The following CCDC7 variants were observed in gnomAD, a reference collection of about 807,000 sequenced individuals.
CCDC7 encodes coiled-coil domain-containing protein 7.
Under a neutral mutation model 196.9 loss-of-function variants are expected in CCDC7, and 183 were observed. The ratio of observed to expected loss-of-function variants is 0.93; its 90% CI spans 0.82 to 1.05. The LOEUF (loss-of-function observed/expected upper bound fraction) is 1.05, where lower values mean the gene tolerates loss of function less well. CCDC7 is among the 50% of genes least tolerant of loss of function. The pLI is 0.00. For synonymous variants in CCDC7, 525 were observed against 484.6 expected (o/e 1.08, Z -1.10); for missense variants, 1,540 against 1,482.2 (o/e 1.04, Z -0.64).
chr10:32,623,449 A>G (rs1002623548), intron 18 of CCDC7, among the ~76,000 whole-genome samples: 2 of 152,060 alleles, frequency 1.3e-5, no homozygotes, highest in East Asian at 1.9e-4. Flanking sequence ...TTTCATTTTT[A>G]TGTATTTCTA....
chr10:32,482,507 T>C (rs2134165385), intron 8 of CCDC7, among the ~76,000 whole-genome samples: 1 of 152,298 alleles, frequency 6.6e-6, no homozygotes, highest in African/African-American at 2.4e-5. Flanking sequence ...AATTTCTTTT[T>C]TTTATTATAC....
chr10:32,668,738 A>G (rs2073390307), intron 21 of CCDC7, among the ~76,000 whole-genome samples: 2 of 152,252 alleles, frequency 1.3e-5, no homozygotes, highest in South Asian at 4.1e-4. Context: ...ATCATGGTGG[A>G]TAAGCTTCCT....
At chr10:32,502,391 A>G (rs2044210078) in intron 9 of CCDC7, among the ~76,000 whole-genome samples, 1 of 152,008 alleles carries the variant, frequency 6.6e-6, no homozygotes, top group African/African-American at 2.4e-5. Flanking sequence ...GGCTGCATCC[A>G]CTGTCCAACC....
chr10:32,620,725 T>A (rs1177113647), intron 18 of CCDC7, among the ~76,000 whole-genome samples: 5 of 152,280 alleles, frequency 3.3e-5, no homozygotes. Flanking sequence ...AGTGTCTGAT[T>A]AAGGTTTAGA....
chr10:32,584,236 A>C, exon 18 of CCDC7: 2 of 1,576,760 alleles, frequency 1.3e-6, no homozygotes, highest in Non-Finnish European at 8.6e-7. Flanking sequence ...ATTAAGGCTG[A>C]TGTTTCAGAA....
chr10:32,574,613 T>TCAAACAATAAAGGTAAATAA, intron 16 of CCDC7: 1 of 584,234 alleles, frequency 1.7e-6, no homozygotes, highest in Non-Finnish European at 2.4e-6. Flanking sequence ...GGTAAATAGT[T>TCAAACAATAAAGGTAAATAA]AATCAAACAA....
intron 41 of CCDC7, among the ~76,000 whole-genome samples, chr10:32,867,204 A>C (rs1360557742): frequency 6.6e-6 from 1 of 151,672 alleles, no homozygotes; most frequent in African/African-American, 2.4e-5. Context: ...TGGGTTATGA[A>C]TTAGATGGTA....
At chr10:32,839,008 C>G (rs1318767762) in intron 33 of CCDC7, among the ~76,000 whole-genome samples, 1 of 151,860 alleles carries the variant, frequency 6.6e-6, no homozygotes, top group Non-Finnish European at 1.5e-5. Flanking sequence ...AACAAACCCT[C>G]AAAATACACC....
At chr10:32,656,794 C>T (rs934876618) in intron 20 of CCDC7, among the ~76,000 whole-genome samples, 1 of 152,188 alleles carries the variant, frequency 6.6e-6, no homozygotes, top group African/African-American at 2.4e-5. Flanking sequence ...AAAGTCTTAA[C>T]TTATTCCAGC....
intron 13 of CCDC7, among the ~76,000 whole-genome samples, chr10:32,563,144 A>G (rs2056077109): frequency 6.6e-6 from 1 of 152,084 alleles, no homozygotes; most frequent in Non-Finnish European, 1.5e-5. Flanking sequence ...TCAATGAAAT[A>G]AAAGAGGATA....
chr10:32,455,238 A>G (rs12264404), intron 2 of CCDC7, among the ~76,000 whole-genome samples: 2,975 of 151,916 alleles, frequency 0.02, 104 homozygotes, highest in African/African-American at 0.068. Flanking sequence ...CTATATGATT[A>G]TAGGTCTTTA....
intron 24 of CCDC7, among the ~76,000 whole-genome samples, chr10:32,708,628 AAATC>A (rs1447224611): frequency 6.6e-6 from 1 of 152,192 alleles, no homozygotes; most frequent in Non-Finnish European, 1.5e-5. Context: ...TTACAAGAAA[AAATC>A]AAACAACCCC....
chr10:32,560,362 C>T (rs2055259091), intron 13 of CCDC7, among the ~76,000 whole-genome samples: 1 of 151,974 alleles, frequency 6.6e-6, no homozygotes, highest in Non-Finnish European at 1.5e-5. Context: ...CTCCAAGACA[C>T]ATAATTGTCA....
chr10:32,809,933 G>A (rs1422744924), intron 30 of CCDC7, among the ~76,000 whole-genome samples: 1 of 3,456 alleles, frequency 2.9e-4, no homozygotes, highest in Non-Finnish European at 0.026. Context: ...GCACGCATAT[G>A]TTTATTGCGG....
At chr10:32,766,634 C>T (rs1468206864) in intron 28 of CCDC7, among the ~76,000 whole-genome samples, 1 of 151,932 alleles carries the variant, frequency 6.6e-6, no homozygotes, top group Non-Finnish European at 1.5e-5. Flanking sequence ...GAACACTTAA[C>T]CATGGACCAC....
intron 11 of CCDC7, among the ~76,000 whole-genome samples, chr10:32,525,340 G>A (rs1379138289): frequency 6.6e-6 from 1 of 151,870 alleles, no homozygotes; most frequent in Non-Finnish European, 1.5e-5. Context: ...AAGAGAGTCT[G>A]ATGCATTCTT....
At chr10:32,485,270 G>T (rs1017821396) in intron 8 of CCDC7, among the ~76,000 whole-genome samples, 5 of 152,218 alleles carry the variant, frequency 3.3e-5, no homozygotes, top group African/African-American at 1.2e-4. Flanking sequence ...AGATTTTCTA[G>T]TTTATTTGCA....
Position 32,845,740 on chromosome 10 carries a change from A to G in CCDC7, c.3520+114A>G, listed in dbSNP as rs534692469. ...CCTATATGTTGGTATTACACAGGTA[A>G]AATTCTTCATGAATACCCTTCCATA... On this transcript the variant is annotated intron_variant, in intron 35 of 41. Transcript: ENST00000639629. The G allele has an allele frequency of 4.4e-6, 5 of 1,146,794 alleles. No individual in the cohort carries two copies. The East Asian group carries it at 9.5e-5, about 22-fold the overall frequency. The allele number at this position is 1,146,794 out of a possible 1,614,324, so 71.0% of individuals were successfully genotyped here.
At chr10:32,630,469 TG>T (rs970907324) in intron 18 of CCDC7, among the ~76,000 whole-genome samples, 238 of 151,904 alleles carry the variant, frequency 1.6e-3, no homozygotes, top group African/African-American at 5.5e-3. Context: ...GTGCAGGGAG[TG>T]GGGTTAGTAC....
Sources: allele counts gnomAD v4.1 joint callset (sites outside exome capture counted in the v4.1 genomes callset), GRCh38; gene constraint gnomAD v4.1.1; transcripts MANE v1.5; gene names NCBI Gene and HGNC (gene_info 2026-07-23, HGNC 2026-07-21).